The following KIAA1671 variants were observed in gnomAD, a reference collection of about 807,000 sequenced individuals.
KIAA1671 encodes the protein uncharacterized protein KIAA1671.
Under a neutral mutation model 131.2 loss-of-function variants are expected in KIAA1671, and 52 were observed. That is an observed-to-expected ratio of 0.40 (90% CI 0.32 to 0.50). KIAA1671 has a LOEUF of 0.50. KIAA1671 is among the 20% of genes least tolerant of loss of function. KIAA1671 has a pLI of 0.73. For missense variants in KIAA1671, 2,360 were observed against 2,364.2 expected (o/e 1.00, Z 0.04); for synonymous variants, 1,003 against 961.6 (o/e 1.04, Z -0.80).
chr22:25,166,978 C>G (rs112242270), intron 6 of KIAA1671, among the ~76,000 whole-genome samples: 1 of 152,210 alleles, frequency 6.6e-6, no homozygotes, highest in African/African-American at 2.4e-5. Flanking sequence ...CCCTAAGTCC[C>G]CAGCATCTGG....
chr22:25,117,689 A>G (rs984852649), intron 6 of KIAA1671, among the ~76,000 whole-genome samples: 4 of 149,842 alleles, frequency 2.7e-5, no homozygotes, highest in African/African-American at 9.9e-5. Context: ...GATGTATAGA[A>G]CTCCTGCCTT....
In KIAA1671 at chr22:25,192,546, C is replaced by G. The variant is rs921618373; in HGVS notation, c.*145C>G. The G allele has an allele frequency of 1.3e-5, 2 of 152,222 alleles. No individual in the cohort carries two copies. Among genetic ancestry groups the G allele is most frequent in the Non-Finnish European group, 2.9e-5 (2 of 68,068 alleles). 9.4% of individuals were successfully genotyped at this position (152,222 alleles called of 1,614,324 possible). ...TTGGATTGAGAACGCTATCCAGTGCCCCTGTCCTCGCCAGGCTCTCCCTGG... is the reference window on the plus strand; with the variant it reads ...TTGGATTGAGAACGCTATCCAGTGCGCCTGTCCTCGCCAGGCTCTCCCTGG... On this transcript the variant is annotated 3_prime_UTR_variant, in exon 13 of 13. Coordinates refer to ENST00000358431, the MANE Select transcript of KIAA1671 (RefSeq NM_001145206.2).
intron 6 of KIAA1671, among the ~76,000 whole-genome samples, chr22:25,105,091 T>C (rs1428955251): frequency 2.0e-5 from 3 of 152,102 alleles, no homozygotes; most frequent in Non-Finnish European, 4.4e-5. Flanking sequence ...TGGTGTGTTC[T>C]CAGCTCATTG....
Position 25,028,550 on chromosome 22 carries a change from T to TGCCCACCCA in KIAA1671, c.553_561dup (p.Pro185_Gln187dup). 3.7e-6 allele frequency: 3 copies of TGCCCACCCA among 802,748 alleles called. No individual in the cohort carries two copies. The highest frequency in any genetic ancestry group is 5.5e-6 in the Non-Finnish European group (3 of 541,294). 49.7% of individuals were successfully genotyped at this position (802,748 alleles called of 1,614,324 possible). On this transcript the variant is annotated inframe_insertion, in exon 3 of 13. Coordinates refer to ENST00000358431, the MANE Select transcript of KIAA1671 (RefSeq NM_001145206.2). ...CCTGAGGTGGCTGCCAAGCCCGCCC[T>TGCCCACCCA]GCCCACCCAGAAGCCTGCGGGGACC...
At chr22:25,138,612 A>C (rs564443503) in intron 6 of KIAA1671, among the ~76,000 whole-genome samples, 1 of 152,172 alleles carries the variant, frequency 6.6e-6, no homozygotes, top group Admixed American at 6.5e-5. Context: ...ACCTATTCTC[A>C]TGTACAGCCC....
intron 1 of KIAA1671, among the ~76,000 whole-genome samples, chr22:24,985,237 G>A (rs1322682736): frequency 6.6e-6 from 1 of 152,146 alleles, no homozygotes; most frequent in Non-Finnish European, 1.5e-5. Context: ...TGCTGTCTCC[G>A]AGGTATTGAG....
At chr22:24,982,573 G>A (rs1923293491) in intron 1 of KIAA1671, among the ~76,000 whole-genome samples, 2 of 152,324 alleles carry the variant, frequency 1.3e-5, no homozygotes, top group South Asian at 4.1e-4. Context: ...ATGGGTGAGG[G>A]CCTGTTTCTT....
Position 25,028,754 on chromosome 22 carries a change from A to G in KIAA1671, c.755A>G (p.Gln252Arg). 6.4e-7 allele frequency: 1 copy of G among 1,551,296 alleles called. No individual in the cohort carries two copies. Among genetic ancestry groups the G allele is most frequent in the Non-Finnish European group, 8.7e-7 (1 of 1,147,004 alleles). The change falls in exon 3 of 13, where the codon CAG becomes CGG. Residue 252 changes from glutamine to arginine, a missense_variant. Physicochemically the swap from Gln to Arg is conservative, Grantham distance 43. Transcript: ENST00000358431. ...TCTGCCATTTTCACGGAGTCCATTC[A>G]GCCTCAGAAGCCAGGCCCCGGCGCA... ...PVSAIFTESI[Q>R]PQKPGPGAAA...
At chr22:25,041,998 C>A (rs1602091882) in intron 5 of KIAA1671, among the ~76,000 whole-genome samples, 1 of 152,228 alleles carries the variant, frequency 6.6e-6, no homozygotes, top group Non-Finnish European at 1.5e-5. Context: ...CCTGCCTCGG[C>A]CTCCCAAAGT....
At chr22:25,153,705 C>T (rs1441854166) in intron 6 of KIAA1671, among the ~76,000 whole-genome samples, 2 of 152,192 alleles carry the variant, frequency 1.3e-5, no homozygotes, top group Admixed American at 6.5e-5. Flanking sequence ...AGAACCCAAA[C>T]GCCTAGAGTC....
chr22:24,994,547 C>T (rs890596441), intron 1 of KIAA1671, among the ~76,000 whole-genome samples: 14 of 152,298 alleles, frequency 9.2e-5, no homozygotes, highest in Middle Eastern at 6.8e-3. Context: ...TTTGGTATGA[C>T]AGAGTAGGCT....
intron 1 of KIAA1671, among the ~76,000 whole-genome samples, chr22:24,993,472 C>T (rs1923951463): frequency 6.6e-6 from 1 of 152,244 alleles, no homozygotes; most frequent in Non-Finnish European, 1.5e-5. Context: ...GGCCGGCTCC[C>T]TCTGACTGTA....
intron 3 of KIAA1671, among the ~76,000 whole-genome samples, chr22:25,031,254 T>C (rs1418621238): frequency 6.8e-6 from 1 of 146,572 alleles, no homozygotes; most frequent in African/African-American, 2.6e-5. Flanking sequence ...GCCAGAGCAG[T>C]GGCACGATCT....
chr22:25,050,474 G>T (rs9612837), intron 6 of KIAA1671: 36,985 of 152,162 alleles, frequency 0.24, 6,619 homozygotes, highest in African/African-American at 0.51. Flanking sequence ...AGGGATACCT[G>T]GGCCTGGTCT....
In KIAA1671 at chr22:25,039,761, C is replaced by T; in HGVS notation, c.2631C>T (p.Gly877=). The part of the protein sequence containing the change: ...ARSKPGVGAR[G]PPQGCPLDPL... ...GCAAGCCAGGAGTGGGAGCAAGGGG[C>T]CCACCCCAGGGATGCCCCCTCGATC... The change falls in exon 5 of 13, where the codon GGC becomes GGT. Residue 877 remains glycine, a synonymous_variant. Coordinates refer to ENST00000358431, the MANE Select transcript of KIAA1671 (RefSeq NM_001145206.2). The T allele has an allele frequency of 6.7e-7, 1 of 1,496,378 alleles. No individual in the cohort carries two copies. Among genetic ancestry groups the T allele is most frequent in the Non-Finnish European group, 8.9e-7 (1 of 1,117,952 alleles). The allele number at this position is 1,496,378 out of a possible 1,614,324, so 92.7% of individuals were successfully genotyped here.
rs118121471 is a variant in KIAA1671, at chr22:25,098,757, G to A, written c.4530+49393G>A. Among the ~76,000 whole-genome samples, 1,500 of 152,256 alleles carry A rather than the reference G, an allele frequency of 9.9e-3. 9 individuals are homozygous for A. Among genetic ancestry groups the A allele is most frequent in the Middle Eastern group, 0.051 (15 of 294 alleles). ...TTGTACCCAAAAGATGGGCTGCCAT[G>A]GGGACCTGTGGAGTGACACCCCTTT... is the stretch of plus-strand genomic sequence containing the variant. On this transcript the variant is annotated intron_variant, in intron 6 of 12. Transcript: ENST00000358431.
intron 5 of KIAA1671, among the ~76,000 whole-genome samples, chr22:25,048,657 A>C (rs919408880): frequency 1.3e-5 from 2 of 152,118 alleles, no homozygotes; most frequent in East Asian, 1.9e-4. Context: ...GTGGAAAAAA[A>C]CAGCAGGATT....
At position 25,057,614 on chromosome 22, in the gene KIAA1671, C is replaced by T. The variant is rs558943136; in HGVS notation, c.4530+8250C>T. The T allele has an allele frequency of 4.6e-5, 7 of 151,036 alleles. No homozygotes were observed. The East Asian group carries it at 9.8e-4, about 21-fold the overall frequency. The allele number at this position is 151,036 out of a possible 1,614,324, so 9.4% of individuals were successfully genotyped here. A position where few individuals can be genotyped will look rare whatever the true frequency, so the allele number is the denominator to read the frequency against. On this transcript the variant is annotated intron_variant, in intron 6 of 12. Transcript: ENST00000358431. ...GGAAAACGGAGGCCCAAAAGGGTAA[C>T]GTCACATGTCCAGTGCGCTCTGCTG...
At chr22:25,102,368 G>C (rs1374947451) in intron 6 of KIAA1671, 1 of 150,362 alleles carries the variant, frequency 6.7e-6, no homozygotes, top group Non-Finnish European at 1.5e-5. Context: ...AGGGTCCTGT[G>C]ATTCATTTGA....
Sources: gnomAD v4.1 joint callset for allele counts (sites outside exome capture counted in the v4.1 genomes callset) on GRCh38, gnomAD v4.1.1 for gene constraint, MANE v1.5 for transcripts, NCBI Gene and HGNC (gene_info 2026-07-23, HGNC 2026-07-21) for gene names.